IQCM: variants seen among roughly 807,000 people sequenced by gnomAD.
The protein encoded by IQCM is IQ motif containing M.
IQCM carries 45 observed loss-of-function variants against 57.6 expected under a neutral mutation model. That is an observed-to-expected ratio of 0.78 (90% confidence interval 0.62 to 1.00). The LOEUF (loss-of-function observed/expected upper bound fraction) is 1.00. IQCM is among the 50% of genes least tolerant of loss of function. The probability of loss-of-function intolerance (pLI) is 0.00; values close to 1 mark genes in which losing one functional copy is unlikely to be tolerated. For missense variants in IQCM, 468 were observed against 511.6 expected, an observed-to-expected ratio of 0.91 and a Z score of 0.82; for synonymous variants, 148 against 158.9, an observed-to-expected ratio of 0.93 and a Z score of 0.51.
At chr4:149,433,230 A>G (rs1735035411) in intron 13 of IQCM, among the ~76,000 whole-genome samples, 166 bp downstream of exon 13, 1 of 152,054 alleles carries the variant, frequency 6.6e-6, no homozygotes, top group Non-Finnish European at 1.5e-5. Context: ...CAAAGCATAA[A>G]ATAGCCCCTT....
intron 12 of IQCM, among the ~76,000 whole-genome samples, chr4:149,503,560 G>T (rs927099542): frequency 1.3e-5 from 2 of 152,094 alleles, no homozygotes; most frequent in Non-Finnish European, 2.9e-5. Flanking sequence ...TAGGAGACAT[G>T]TAAATGCTAA....
intron 12 of IQCM, among the ~76,000 whole-genome samples, chr4:149,446,085 T>C (rs1736476221): frequency 6.6e-6 from 1 of 151,810 alleles, no homozygotes; most frequent in African/African-American, 2.4e-5. Flanking sequence ...GTGAGAATCA[T>C]TATATTCAAA....
At position 149,369,036 on chromosome 4, in the gene IQCM, G is replaced by A. The variant is rs377660860; in HGVS notation, c.1391-16970C>T. Among the ~76,000 whole-genome samples the A allele has an allele frequency of 5.1e-4, 31 of 60,618 alleles. 6 individuals carry two copies. The highest frequency in any genetic ancestry group is 2.5e-3 in the South Asian group (7 of 2,782). 39.8% of individuals were successfully genotyped at this position (60,618 alleles called of 152,430 possible). Reference sequence around the variant, plus strand: ...CGTGTATATATATATATATACATGTGTATATATATATATGTATTTTTTTTT... The same window carrying A: ...CGTGTATATATATATATATACATGTATATATATATATATGTATTTTTTTTT... On this transcript the variant is annotated intron_variant, in intron 13 of 13. Coordinates refer to ENST00000636793, the MANE Select transcript of IQCM (RefSeq NM_001363507.2).
chr4:149,431,599 C>T (rs1463291371), intron 13 of IQCM, among the ~76,000 whole-genome samples: 1 of 151,850 alleles, frequency 6.6e-6, no homozygotes, highest in Non-Finnish European at 1.5e-5. Context: ...CAGAATGGTT[C>T]CATCACCCTA....
intron 9 of IQCM, among the ~76,000 whole-genome samples, chr4:149,573,626 C>A (rs1426671792): frequency 6.6e-6 from 1 of 151,636 alleles, no homozygotes; most frequent in Non-Finnish European, 1.5e-5. Flanking sequence ...CATACTTTCT[C>A]CTTCACTCTT....
At chr4:149,550,641 G>A (rs1748940240) in intron 11 of IQCM, among the ~76,000 whole-genome samples, 2 of 151,946 alleles carry the variant, frequency 1.3e-5, no homozygotes. Context: ...ATATATTTAG[G>A]GTAAATATAA....
chr4:149,554,784 C>G (rs544101695), intron 10 of IQCM, among the ~76,000 whole-genome samples: 2 of 151,952 alleles, frequency 1.3e-5, no homozygotes, highest in African/African-American at 4.8e-5. Context: ...ACTGCAAGCT[C>G]CACCTCCCGG....
At chr4:149,701,677 T>C (rs1429221810) in intron 5 of IQCM, among the ~76,000 whole-genome samples, 1 of 151,906 alleles carries the variant, frequency 6.6e-6, no homozygotes, top group Non-Finnish European at 1.5e-5. Context: ...CACAGTTATT[T>C]GCTATATGTG....
At position 149,461,952 on chromosome 4, in the gene IQCM, G is replaced by A. The variant is rs564373784; in HGVS notation, c.1229-28395C>T. On this transcript the variant is annotated intron_variant, in intron 12 of 13. Coordinates refer to ENST00000636793, the MANE Select transcript of IQCM (RefSeq NM_001363507.2). ...ATCAAAACTTGGATTAGTCTTAACA[G>A]TACTGGTCTGTGGCCTGGGGGTTGG... is the stretch of plus-strand genomic sequence containing the variant. 6.6e-5 allele frequency among the ~76,000 whole-genome samples: 10 copies of A among 152,112 alleles called. 1 individual carries two copies. Among genetic ancestry groups the A allele is most frequent in the Admixed American group, 6.6e-4 (10 of 15,254 alleles).
In IQCM at chr4:149,664,645, G is replaced by A. The variant is rs557805540; in HGVS notation, c.565+17473C>T. The stretch of plus-strand genomic sequence containing the variant: ...ATGCCACAGTTTTGTTGGGGACACG[G>A]GCACTGGGCTGATTGTCAGGCCAAG... On this transcript the variant is annotated intron_variant, in intron 7 of 13. Transcript: ENST00000636793. Among the ~76,000 whole-genome samples the A allele has an allele frequency of 4.6e-5, 7 of 152,260 alleles. No individual in the cohort carries two copies. The South Asian group carries it at 1.5e-3, about 32-fold the overall frequency.
At chr4:149,667,493 A>C (rs973530436) in intron 7 of IQCM, among the ~76,000 whole-genome samples, 2 of 152,152 alleles carry the variant, frequency 1.3e-5, no homozygotes, top group African/African-American at 4.8e-5. Context: ...AAAAAGTCTA[A>C]AAATTCCAAA....
At chr4:149,455,864 A>G (rs1737643883) in intron 12 of IQCM, among the ~76,000 whole-genome samples, 1 of 151,660 alleles carries the variant, frequency 6.6e-6, no homozygotes, top group Non-Finnish European at 1.5e-5. Context: ...TGTCCTAGCT[A>G]CTAGGGAGAT....
chr4:149,707,712 T>C (rs771071139), intron 5 of IQCM, among the ~76,000 whole-genome samples: 1 of 151,976 alleles, frequency 6.6e-6, no homozygotes, highest in Non-Finnish European at 1.5e-5. Flanking sequence ...CTACATGTTG[T>C]ACTATAAGTA....
chr4:149,546,352 G>A (rs1748428893), intron 12 of IQCM, among the ~76,000 whole-genome samples: 2 of 152,250 alleles, frequency 1.3e-5, no homozygotes, highest in African/African-American at 4.8e-5. Flanking sequence ...GGATGGCTGG[G>A]TCAAATGGTA....
intron 10 of IQCM, among the ~76,000 whole-genome samples, chr4:149,562,154 G>C (rs940559004): frequency 6.6e-6 from 1 of 152,102 alleles, no homozygotes; most frequent in African/African-American, 2.4e-5. Context: ...AAGCAATATA[G>C]GTCTTCAAAA....
intron 7 of IQCM, among the ~76,000 whole-genome samples, chr4:149,678,598 A>C (rs572326351): frequency 6.6e-6 from 1 of 151,718 alleles, no homozygotes; most frequent in African/African-American, 2.4e-5. Context: ...TATAAAACCC[A>C]CTGGTAAAAT....
intron 8 of IQCM, among the ~76,000 whole-genome samples, chr4:149,592,583 G>A (rs1161317329): frequency 6.6e-6 from 1 of 151,646 alleles, no homozygotes; most frequent in Non-Finnish European, 1.5e-5. Flanking sequence ...GGGTTTTTAT[G>A]GTTTTAGGTC....
intron 9 of IQCM, among the ~76,000 whole-genome samples, chr4:149,574,152 G>A (rs907289501): frequency 6.6e-6 from 1 of 151,918 alleles, no homozygotes; most frequent in Non-Finnish European, 1.5e-5. Context: ...AATGTATTGT[G>A]ACTGTCAGAT....
At chr4:149,771,911 C>A (rs1471622049) in intron 2 of IQCM, among the ~76,000 whole-genome samples, 1 of 152,024 alleles carries the variant, frequency 6.6e-6, no homozygotes. Context: ...AAAAATAATT[C>A]TATTTTCTTT....
Sources: allele counts gnomAD v4.1 joint callset (sites outside exome capture counted in the v4.1 genomes callset), GRCh38; gene constraint gnomAD v4.1.1; transcripts MANE v1.5; gene names NCBI Gene and HGNC (gene_info 2026-07-23, HGNC 2026-07-21).